Variants in TGFBR3 observed in about 807,000 individuals in gnomAD.
The protein encoded by TGFBR3 is transforming growth factor beta receptor type 3.
Under a neutral mutation model 87.9 loss-of-function variants are expected in TGFBR3, and 46 were observed. The ratio of observed to expected loss-of-function variants is 0.52; its 90% confidence interval spans 0.41 to 0.67. The LOEUF (loss-of-function observed/expected upper bound fraction) is 0.67. Among genes scored for constraint, TGFBR3 ranks in the 30% least tolerant of loss-of-function variants. TGFBR3 has a pLI of 0.00. For synonymous variants in TGFBR3, 381 were observed against 391.6 expected, an observed-to-expected ratio of 0.97 and a Z score of 0.32; for missense variants, 866 against 1,041.9, an observed-to-expected ratio of 0.83 and a Z score of 2.32.
intron 2 of TGFBR3, among the ~76,000 whole-genome samples, chr1:91,827,339 TTAAACA>T (rs1204365980): frequency 1.3e-5 from 2 of 152,182 alleles, no homozygotes; most frequent in Non-Finnish European, 2.9e-5. Flanking sequence ...GACAAGACAG[TTAAACA>T]TAAAAGGGGT....
In TGFBR3 at chr1:91,680,779, AC is replaced by A. The variant is rs1185663701; in HGVS notation, c.*2959del. On this transcript the variant is annotated 3_prime_UTR_variant, in exon 17 of 17. Transcript: ENST00000212355. ...CAAAAAGACTGGCACGCGTGTGAGC[AC>A]CCCACACACACTCACAATCATGCCC... 1.5e-5 allele frequency: 7 copies of A among 453,984 alleles called. No homozygotes were observed. Among genetic ancestry groups the A allele is most frequent in the South Asian group, 9.3e-5 (6 of 64,470 alleles). The allele number at this position is 453,984 out of a possible 1,614,324, so 28.1% of individuals were successfully genotyped here.
rs1672172614 is a variant in TGFBR3 at position 91,716,361 on chromosome 1, T to C, written c.1741A>G (p.Ser581Gly). 2 of 1,614,188 alleles carry C rather than the reference T, an allele frequency of 1.2e-6. No individual in the cohort carries two copies. Among genetic ancestry groups the C allele is most frequent in the Non-Finnish European group, 1.7e-6 (2 of 1,180,020 alleles). Residue 581 changes from serine (S) to glycine (G), a missense_variant, in exon 12 of 17, where the codon AGC (serine) becomes GGC (glycine). Physicochemically the swap from Ser to Gly is moderately conservative, Grantham distance 56. Transcript: ENST00000212355. ...NCSLQQVRNP[S>G]SFQEQPHGNI... is the part of the protein sequence containing the mutation. ...CCGTGGGGCTGTTCCTGGAAGCTGC[T>C]GGGGTTCCTCACCTGCTGAAGGCTG... is the stretch of plus-strand genomic sequence containing the variant.
chr1:91,825,037 C>A (rs1229175905), intron 2 of TGFBR3, among the ~76,000 whole-genome samples: 1 of 152,136 alleles, frequency 6.6e-6, no homozygotes, highest in Non-Finnish European at 1.5e-5. Context: ...CACAGAGTAA[C>A]CATATGACCC....
intron 3 of TGFBR3, among the ~76,000 whole-genome samples, chr1:91,793,086 C>T (rs1675251407): frequency 6.6e-6 from 1 of 152,148 alleles, no homozygotes; most frequent in Admixed American, 6.6e-5. Context: ...GTTTCTGATA[C>T]AAATTCTCTG....
At chr1:91,769,238 C>T (rs1462834064) in intron 3 of TGFBR3, among the ~76,000 whole-genome samples, 1 of 152,180 alleles carries the variant, frequency 6.6e-6, no homozygotes, top group Non-Finnish European at 1.5e-5. Context: ...GCTATTATTA[C>T]TTCTACCCAC....
rs188282466 is a variant in TGFBR3, at chr1:91,727,919, G to A, written c.738-113C>T. The stretch of plus-strand genomic sequence containing the variant: ...TGTCTGGCCAGTTGATTAAAAAGCT[G>A]GAGTTGATCCCAGGCCAATGACATG... On this transcript the variant is annotated intron_variant, in intron 6 of 16. Transcript: ENST00000212355. 85 of 1,299,648 alleles carry A rather than the reference G, an allele frequency of 6.5e-5. No individual in the cohort carries two copies. The East Asian group carries it at 1.6e-3, about 24-fold the overall frequency. 80.5% of individuals were successfully genotyped at this position (1,299,648 alleles called of 1,614,324 possible). A position where few individuals can be genotyped will look rare whatever the true frequency, so the allele number is the denominator to read the frequency against.
upstream of TGFBR3, among the ~76,000 whole-genome samples, chr1:91,889,942 G>A (rs1175335267): frequency 1.3e-5 from 2 of 152,132 alleles, no homozygotes; most frequent in Non-Finnish European, 2.9e-5. Flanking sequence ...GATTACAGGC[G>A]TGAGCTGCCG....
At position 91,683,699 on chromosome 1, in the gene TGFBR3, C is replaced by G. The variant is rs540918983; in HGVS notation, c.*40G>C. The G allele has an allele frequency of 1.4e-6, 2 of 1,458,748 alleles. No homozygotes were observed. Among genetic ancestry groups the G allele is most frequent in the East Asian group, 5.3e-5 (2 of 37,722 alleles). The allele number at this position is 1,458,748 out of a possible 1,614,324, so 90.4% of individuals were successfully genotyped here. The stretch of plus-strand genomic sequence containing the variant: ...TGCCCTTGGCAGTAGCTGAGCTGAG[C>G]TGGGCTGGGCTGGGTTGGGCCGGGT... On this transcript the variant is annotated 3_prime_UTR_variant, in exon 17 of 17. Coordinates refer to ENST00000212355, the MANE Select transcript of TGFBR3 (RefSeq NM_003243.5).
chr1:91,757,661 T>C (rs1227258038), intron 4 of TGFBR3, among the ~76,000 whole-genome samples: 1 of 152,252 alleles, frequency 6.6e-6, no homozygotes. Context: ...TTTATTCATT[T>C]ATGTACTTAT....
chr1:91,902,310 ACT>A (rs1223078844), intron 1 of TGFBR3, among the ~76,000 whole-genome samples: 1 of 141,700 alleles, frequency 7.1e-6, no homozygotes, highest in African/African-American at 2.6e-5. Flanking sequence ...ACAGGGTCTC[ACT>A]CTGTCACTCA....
chr1:91,772,509 T>C (rs950261345), intron 3 of TGFBR3, among the ~76,000 whole-genome samples: 5 of 152,176 alleles, frequency 3.3e-5, no homozygotes, highest in Non-Finnish European at 4.4e-5. Flanking sequence ...TAAACACTTG[T>C]TGAGTTTGGG....
chr1:91,717,801 G>A (rs2100775634), intron 10 of TGFBR3, among the ~76,000 whole-genome samples: 1 of 147,308 alleles, frequency 6.8e-6, no homozygotes. Context: ...TCATAATAAA[G>A]AAAAGAAAAA....
At chr1:91,789,091 A>T (rs1675083946) in intron 3 of TGFBR3, among the ~76,000 whole-genome samples, 1 of 152,184 alleles carries the variant, frequency 6.6e-6, no homozygotes, top group Non-Finnish European at 1.5e-5. Flanking sequence ...AGGTCAAGAG[A>T]TCGAGGCCAT....
At chr1:91,765,662 C>T (rs1674152993) in intron 3 of TGFBR3, among the ~76,000 whole-genome samples, 1 of 152,150 alleles carries the variant, frequency 6.6e-6, no homozygotes, top group African/African-American at 2.4e-5. Flanking sequence ...TTATCTTAAA[C>T]AGTTACGCAA....
At chr1:91,895,268 C>A (rs188439432) in intron 2 of TGFBR3, among the ~76,000 whole-genome samples, 286 of 152,122 alleles carry the variant, frequency 1.9e-3, no homozygotes, top group African/African-American at 6.7e-3. Flanking sequence ...TGAGTTCTTG[C>A]GAGATCTAAT....
chr1:91,787,367 G>A (rs373820762), intron 3 of TGFBR3, among the ~76,000 whole-genome samples: 2 of 152,188 alleles, frequency 1.3e-5, no homozygotes, highest in South Asian at 4.2e-4. Context: ...AGGAAACAGG[G>A]CTTAGGGAAT....
rs1006181944 is a variant in TGFBR3 at position 91,721,193 on chromosome 1, C to T, written c.1075+762G>A. 3.3e-5 allele frequency among the ~76,000 whole-genome samples: 5 copies of T among 152,060 alleles called. No homozygotes were observed. In the East Asian group the frequency reaches 7.7e-4, roughly 23 times the overall value. On this transcript the variant is annotated intron_variant, in intron 8 of 16. Transcript: ENST00000212355. ...AAAGGACGCTAGAGCTGTAAGGGTC[C>T]AAAATAAGTCATAGCTTTGTAGGGT...
chr1:91,750,468 G>C (rs918210318), intron 4 of TGFBR3, among the ~76,000 whole-genome samples: 2 of 152,076 alleles, frequency 1.3e-5, no homozygotes, highest in African/African-American at 4.8e-5. Context: ...GTAGTTGACT[G>C]ACCCTAGTTC....
intron 2 of TGFBR3, chr1:91,801,080 T>C (rs945457564): frequency 4.4e-5 from 6 of 136,534 alleles, no homozygotes; most frequent in South Asian, 1.6e-4. Context: ...CAAAACTCTG[T>C]CTCAAAAAAA....
Sources: gnomAD v4.1 joint callset for allele counts (sites outside exome capture counted in the v4.1 genomes callset) on GRCh38, gnomAD v4.1.1 for gene constraint, MANE v1.5 for transcripts, NCBI Gene and HGNC (gene_info 2026-07-23, HGNC 2026-07-21) for gene names.